RUNX1T1: variants seen among roughly 807,000 people sequenced by gnomAD.
RUNX1T1 encodes the protein RUNX1 partner transcriptional co-repressor 1.
A neutral mutation model predicts 62.8 loss-of-function variants in RUNX1T1; 4 were observed. That is an observed-to-expected ratio of 0.06 (90% confidence interval 0.03 to 0.15). RUNX1T1 has a LOEUF of 0.15. RUNX1T1 is among the 10% of genes least tolerant of loss of function. RUNX1T1 has a pLI of 1.00. For missense variants in RUNX1T1, 508 were observed against 754.3 expected (o/e 0.67, Z 3.82); for synonymous variants, 291 against 286.0 (o/e 1.02, Z -0.18).
At chr8:91,959,488 GTATATATATATATATATA>G (rs60438153) in exon 11 of RUNX1T1, 7 of 84,796 alleles carry the variant, frequency 8.3e-5, no homozygotes, top group African/African-American at 3.5e-4. Flanking sequence ...GTGTGTGTGT[GTATATATATATATATATA>G]TATATATATG....
At chr8:91,975,962 C>G in exon 9 of RUNX1T1, 1 of 1,612,650 alleles carries the variant, frequency 6.2e-7, no homozygotes, top group Non-Finnish European at 8.5e-7. Flanking sequence ...TGAAGGAATT[C>G]CCGATGCGCG....
At chr8:91,967,227 C>T (rs1207089080) in intron 10 of RUNX1T1, among the ~76,000 whole-genome samples, 2 of 152,170 alleles carry the variant, frequency 1.3e-5, no homozygotes, top group East Asian at 3.9e-4. Flanking sequence ...TCAGGCAAAA[C>T]AAACTTCATG....
chr8:92,095,719 T>C, intron 1 of RUNX1T1: 1 of 602,598 alleles, frequency 1.7e-6, no homozygotes, highest in South Asian at 3.3e-5. Context: ...GACCCCAGGA[T>C]GGGGCCAGAA....
exon 4 of RUNX1T1, chr8:92,011,077 T>A: frequency 6.2e-7 from 1 of 1,602,500 alleles, no homozygotes; most frequent in African/African-American, 1.3e-5. Flanking sequence ...ATTCTTCAAT[T>A]GTCAAAGTGG....
chr8:92,076,247 A>T (rs1471780882), intron 1 of RUNX1T1, 110 bp from the exon 2 acceptor site: 5 of 673,216 alleles, frequency 7.4e-6, no homozygotes, highest in South Asian at 6.0e-5. Context: ...TGTTTTGTTT[A>T]AAAAAAAAAC....
chr8:92,037,164 CT>C (rs1203180989), intron 1 of RUNX1T1, among the ~76,000 whole-genome samples: 1 of 152,122 alleles, frequency 6.6e-6, no homozygotes, highest in East Asian at 1.9e-4. Context: ...CTGAAATAAA[CT>C]TTCTCATCAA....
chr8:92,020,681 T>C (rs1361591756), intron 1 of RUNX1T1, among the ~76,000 whole-genome samples: 1 of 152,200 alleles, frequency 6.6e-6, no homozygotes, highest in Non-Finnish European at 1.5e-5. Flanking sequence ...AACGTTTCTC[T>C]CACATGGCAA....
intron 9 of RUNX1T1, among the ~76,000 whole-genome samples, chr8:91,974,634 C>T (rs188430008): frequency 2.4e-4 from 36 of 152,068 alleles, no homozygotes; most frequent in African/African-American, 8.0e-4. Flanking sequence ...GTAGGTGGTA[C>T]TTGGCATATT....
intron 1 of RUNX1T1, among the ~76,000 whole-genome samples, chr8:92,092,450 A>C (rs1171995858): frequency 6.6e-6 from 1 of 152,198 alleles, no homozygotes; most frequent in Non-Finnish European, 1.5e-5. Flanking sequence ...TTATTTAAGC[A>C]TGGAAAAGAT....
At chr8:91,986,038 C>A in intron 8 of RUNX1T1, 86 bp downstream of exon 9, 1 of 929,138 alleles carries the variant, frequency 1.1e-6, no homozygotes. Context: ...CCTTGCATAT[C>A]CTTTAATTTT....
intron 1 of RUNX1T1, among the ~76,000 whole-genome samples, chr8:92,083,672 A>G (rs539853306): frequency 9.8e-5 from 15 of 152,340 alleles, no homozygotes; most frequent in Non-Finnish European, 1.5e-5. Flanking sequence ...TAGTTCAACC[A>G]TTGTGAAAGA....
chr8:92,018,341 C>T (rs1823418404), intron 1 of RUNX1T1, among the ~76,000 whole-genome samples: 1 of 152,098 alleles, frequency 6.6e-6, no homozygotes, highest in African/African-American at 2.4e-5. Context: ...TTTAAGGAAG[C>T]TGCAATAAAA....
chr8:92,074,071 G>C (rs541009716), intron 2 of RUNX1T1, among the ~76,000 whole-genome samples: 22 of 152,202 alleles, frequency 1.4e-4, no homozygotes, highest in African/African-American at 4.8e-4. Flanking sequence ...ATACAAATAT[G>C]TATATGTGTA....
rs749999124 is a variant in RUNX1T1 at position 92,014,594 on chromosome 8, G to A, written c.372C>T (p.Leu124=). ...ATTTGCTTACCACTAGTCCCAGAAC[G>A]AGGGTGCGAACTCTTTCTCCTATCT... Residue 124 remains leucine, a synonymous_variant, in exon 3 of 11, where the codon CTC becomes CTT. Transcript: ENST00000396218. 17 of 1,606,748 alleles carry A rather than the reference G, an allele frequency of 1.1e-5. No homozygotes were observed. The South Asian group carries it at 1.7e-4, about 16-fold the overall frequency.
downstream of RUNX1T1, chr8:91,955,828 A>C: frequency 8.8e-6 from 2 of 227,284 alleles, no homozygotes; most frequent in Non-Finnish European, 1.7e-5. Context: ...CAGCATTCAC[A>C]GGGTAGGGGA....
At chr8:91,968,302 A>G (rs1812065053) in intron 10 of RUNX1T1, among the ~76,000 whole-genome samples, 1 of 152,176 alleles carries the variant, frequency 6.6e-6, no homozygotes, top group Admixed American at 6.5e-5. Flanking sequence ...CGTAATAATT[A>G]TATTGGGACA....
chr8:92,069,172 G>A (rs544608541), intron 2 of RUNX1T1, among the ~76,000 whole-genome samples: 95 of 149,672 alleles, frequency 6.3e-4, no homozygotes, highest in Admixed American at 1.5e-3. Context: ...CTTCTAAAAT[G>A]AGCATGTATT....
chr8:92,034,586 T>C (rs1826894769), intron 1 of RUNX1T1, among the ~76,000 whole-genome samples: 1 of 152,008 alleles, frequency 6.6e-6, no homozygotes, highest in African/African-American at 2.4e-5. Flanking sequence ...ACTCCTAGTT[T>C]ATTGCAGCAC....
intron 5 of RUNX1T1, among the ~76,000 whole-genome samples, chr8:91,998,897 CA>C (rs1005641844): frequency 6.6e-6 from 1 of 151,702 alleles, no homozygotes; most frequent in African/African-American, 2.4e-5. Flanking sequence ...TTTAACTAAA[CA>C]AAAAAATAAA....
Sources: allele counts gnomAD v4.1 joint callset (sites outside exome capture counted in the v4.1 genomes callset), GRCh38; gene constraint gnomAD v4.1.1; transcripts MANE v1.5; gene names NCBI Gene and HGNC (gene_info 2026-07-23, HGNC 2026-07-21).